ABCB7: variants seen among roughly 807,000 people sequenced by gnomAD.
The protein encoded by ABCB7 is iron-sulfur clusters transporter ABCB7, mitochondrial.
ABCB7 carries 7 observed loss-of-function variants against 54.4 expected under a neutral mutation model. That is an observed-to-expected ratio of 0.13 (90% CI 0.07 to 0.24). The LOEUF (loss-of-function observed/expected upper bound fraction) is 0.24. Ranked by LOEUF, ABCB7 falls within the 10% of genes least tolerant of loss-of-function variation. The probability of loss-of-function intolerance (pLI) is 1.00; values close to 1 mark genes in which losing one functional copy is unlikely to be tolerated. For missense variants in ABCB7, 356 were observed against 570.4 expected (o/e 0.62, Z 3.83); for synonymous variants, 218 against 207.1 (o/e 1.05, Z -0.45).
chrX:75,102,376 C>T (rs2081647279), intron 3 of ABCB7, among the ~76,000 whole-genome samples: 1 of 111,313 alleles, frequency 9.0e-6, no homozygotes, highest in African/African-American at 3.3e-5. Context: ...ATATCTATCA[C>T]TCTATTCTCT....
intron 1 of ABCB7, among the ~76,000 whole-genome samples, chrX:75,131,860 C>T (rs1267386755): frequency 2.7e-5 from 3 of 111,628 alleles, no homozygotes; most frequent in Non-Finnish European, 3.8e-5. Flanking sequence ...AGGAAGAAAT[C>T]CCAGAGTCAA....
chrX:75,107,788 C>T (rs2081717460), intron 3 of ABCB7, among the ~76,000 whole-genome samples: 2 of 110,805 alleles, frequency 1.8e-5, no homozygotes, highest in South Asian at 3.8e-4. Context: ...TGGCTAGGTG[C>T]GAAGCTCCTT....
chrX:75,054,233 C>T (rs1334787637), intron 15 of ABCB7, among the ~76,000 whole-genome samples: 2 of 112,028 alleles, frequency 1.8e-5, no homozygotes, highest in Admixed American at 1.9e-4. Context: ...TTCCTGGTAA[C>T]AAGACTTTTA....
In ABCB7 at chrX:75,097,075, C is replaced by G. The variant is rs1364523223; in HGVS notation, c.453+1867G>C. ...TAATTTCCTAAAACACAGTTCTAAC[C>G]TTATTACTCATCTATTCAAAATACA... is the stretch of plus-strand genomic sequence containing the variant. On this transcript the variant is annotated intron_variant, in intron 4 of 15. Coordinates refer to ENST00000373394, the MANE Select transcript of ABCB7 (RefSeq NM_001271696.3). 4.5e-5 allele frequency among the ~76,000 whole-genome samples: 5 copies of G among 111,532 alleles called. No individual in the cohort carries two copies. In the East Asian group the frequency reaches 1.4e-3, roughly 31 times the overall value.
intron 1 of ABCB7, among the ~76,000 whole-genome samples, chrX:75,119,021 C>T (rs1197906521): frequency 5.4e-5 from 6 of 111,941 alleles, no homozygotes; most frequent in African/African-American, 1.3e-4. Context: ...CTTCTGTCTG[C>T]GTATTTATAT....
chrX:75,112,771 C>A, intron 3 of ABCB7, 115 bp downstream of exon 3: 2 of 543,708 alleles, frequency 3.7e-6, no homozygotes, highest in Non-Finnish European at 6.3e-6. Flanking sequence ...CATTAGAGAA[C>A]ATGCAGTTAG....
At chrX:75,128,297 C>A (rs1238913543) in intron 1 of ABCB7, among the ~76,000 whole-genome samples, 1 of 111,178 alleles carries the variant, frequency 9.0e-6, no homozygotes, top group Non-Finnish European at 1.9e-5. Context: ...TAACACCACA[C>A]ATCTACAACC....
At chrX:75,097,607 G>A (rs2081602504) in intron 4 of ABCB7, 1 of 111,004 alleles carries the variant, frequency 9.0e-6, no homozygotes, top group Non-Finnish European at 1.9e-5. Context: ...AAAAGAATAA[G>A]CAAATAAAGG....
chrX:75,073,873 C>T lies in ABCB7; in HGVS notation c.939G>A (p.Arg313=), dbSNP rs1445006207. ...GCTTCTAGGGAATAAATTACCTCCA[C>T]CGTGTGACTGCAACTGTGAATGCTG... ...TYTAFTVAVT[R]WRTRFRIEMN... The change falls in exon 7 of 16, where the codon CGG becomes CGA. Residue 313 remains arginine, a synonymous_variant. Coordinates refer to ENST00000373394, the MANE Select transcript of ABCB7 (RefSeq NM_001271696.3). The T allele has an allele frequency of 8.3e-7, 1 of 1,208,883 alleles. No homozygotes were observed.
At chrX:75,149,462 T>C (rs1168343324) in intron 1 of ABCB7, among the ~76,000 whole-genome samples, 2 of 111,677 alleles carry the variant, frequency 1.8e-5, no homozygotes, top group Non-Finnish European at 3.8e-5. Context: ...ACTTATGAGG[T>C]TGCCCTGAAG....
At chrX:75,089,960 A>G (rs768728183) in intron 4 of ABCB7, among the ~76,000 whole-genome samples, 2 of 111,085 alleles carry the variant, frequency 1.8e-5, no homozygotes, top group East Asian at 5.6e-4. Flanking sequence ...AATTTCAGAT[A>G]AAGCACACTT....
intron 4 of ABCB7, among the ~76,000 whole-genome samples, chrX:75,081,996 C>T (rs2081459495): frequency 9.1e-6 from 1 of 109,886 alleles, no homozygotes; most frequent in Non-Finnish European, 1.9e-5. Flanking sequence ...TTATTGAGTC[C>T]CAGAAGGATA....
At chrX:75,155,904 G>A (rs374615229) in intron 1 of ABCB7, among the ~76,000 whole-genome samples, 1 of 111,042 alleles carries the variant, frequency 9.0e-6, no homozygotes. Flanking sequence ...CTCCTGCCCC[G>A]TTTCCCTTTG....
At chrX:75,063,986 A>G (rs1321960956) in intron 13 of ABCB7, among the ~76,000 whole-genome samples, 1 of 111,501 alleles carries the variant, frequency 9.0e-6, no homozygotes, top group African/African-American at 3.3e-5. Flanking sequence ...GATCGCCAGA[A>G]TTAGCCAAAC....
At chrX:75,150,216 C>T (rs780075896) in intron 1 of ABCB7, among the ~76,000 whole-genome samples, 1 of 111,189 alleles carries the variant, frequency 9.0e-6, no homozygotes, top group South Asian at 3.8e-4. Flanking sequence ...ATTGCTACTA[C>T]AAAGAAATGT....
In ABCB7 at chrX:75,052,020, A is replaced by T. The variant is rs2081199052; in HGVS notation, c.*1350T>A. On this transcript the variant is annotated 3_prime_UTR_variant, in exon 16 of 16. Coordinates refer to ENST00000373394, the MANE Select transcript of ABCB7 (RefSeq NM_001271696.3). ...AAAGAAAAATGTGTAGTTTTGTCCA[A>T]AACAAAAACAGTGCCTCATATTTTT... The T allele has an allele frequency of 8.9e-6, 1 of 112,461 alleles. No homozygotes were observed. The highest frequency in any genetic ancestry group is 1.9e-5 in the Non-Finnish European group (1 of 53,314). The allele number at this position is 112,461 out of a possible 1,213,427, so 9.3% of individuals were successfully genotyped here.
At chrX:75,075,011 A>AAAGGTG (rs1187801451) in intron 6 of ABCB7, among the ~76,000 whole-genome samples, 1 of 111,818 alleles carries the variant, frequency 8.9e-6, no homozygotes, top group Non-Finnish European at 1.9e-5. Flanking sequence ...AAAAAAAATA[A>AAAGGTG]AAGGTGAAAT....
At chrX:75,115,791 G>A (rs548725348) in intron 1 of ABCB7, among the ~76,000 whole-genome samples, 2 of 107,565 alleles carry the variant, frequency 1.9e-5, no homozygotes, top group Admixed American at 2.0e-4. Context: ...TGTGTTGGGG[G>A]GGGGGGCACG....
chrX:75,105,236 A>G (rs1654286892), intron 3 of ABCB7, among the ~76,000 whole-genome samples: 1 of 111,019 alleles, frequency 9.0e-6, no homozygotes, highest in South Asian at 3.8e-4. Flanking sequence ...AGGAAGTCAA[A>G]TTATCTCTTT....
Sources: gnomAD v4.1 joint callset for allele counts (sites outside exome capture counted in the v4.1 genomes callset) on GRCh38, gnomAD v4.1.1 for gene constraint, MANE v1.5 for transcripts, NCBI Gene and HGNC (gene_info 2026-07-23, HGNC 2026-07-21) for gene names.